Variants in CLCN4 observed in about 807,000 individuals in gnomAD.
The protein encoded by CLCN4 is H(+)/Cl(-) exchange transporter 4.
Under a neutral mutation model 41.7 loss-of-function variants are expected in CLCN4, and 1 was observed. The observed-to-expected ratio is 0.02, with a 90% CI of 0.01 to 0.11. The LOEUF (loss-of-function observed/expected upper bound fraction) is 0.11. Ranked by LOEUF, CLCN4 falls within the 10% of genes least tolerant of loss-of-function variation. The pLI is 1.00. For missense variants in CLCN4, 287 were observed against 661.0 expected, an observed-to-expected ratio of 0.43 and a Z score of 6.20; for synonymous variants, 277 against 285.8, an observed-to-expected ratio of 0.97 and a Z score of 0.31.
Position 10,212,642 on chromosome X carries a change from C to T in CLCN4, c.1565C>T (p.Ala522Val), listed in dbSNP as rs2147182765. ...TPGLYAMVGAAACLGGVTRMT... is the reference protein window; with the variant it reads ...TPGLYAMVGAVACLGGVTRMT... ...GGGCTGTACGCAATGGTGGGAGCTGCGGCCTGCCTCGGTACGACCATGGGT... is the reference window on the plus strand; with the variant it reads ...GGGCTGTACGCAATGGTGGGAGCTGTGGCCTGCCTCGGTACGACCATGGGT... The change falls in exon 10 of 13, where the codon GCG becomes GTG. Residue 522 changes from alanine (A) to valine (V), a missense_variant. Coordinates refer to ENST00000380833, the MANE Select transcript of CLCN4 (RefSeq NM_001830.4). 3 of 1,203,636 alleles carry T rather than the reference C, an allele frequency of 2.5e-6. No individual in the cohort carries two copies. The highest frequency in any genetic ancestry group is 1.8e-5 in the South Asian group (1 of 56,161).
In CLCN4 at chrX:10,212,513, C is replaced by T; in HGVS notation, c.1436C>T (p.Ala479Val). The T allele has an allele frequency of 8.3e-7, 1 of 1,211,727 alleles. No individual in the cohort carries two copies. Among genetic ancestry groups the T allele is most frequent in the Non-Finnish European group, 1.1e-6 (1 of 895,386 alleles). ...FIPSMAVGAI[A>V]GRMVGIGVEQ... ...CCCAGCATGGCTGTGGGCGCGATAG[C>T]GGGCAGGATGGTGGGAATTGGCGTG... The change falls in exon 10 of 13, where the codon GCG becomes GTG. Residue 479 changes from alanine to valine, a missense_variant. Ala to Val is a moderately conservative substitution (Grantham distance 64). This residue lies in a region of CLCN4 where 94 missense variants were observed against 177.9 expected (regional missense o/e 0.53). Coordinates refer to ENST00000380833, the MANE Select transcript of CLCN4 (RefSeq NM_001830.4).
At chrX:10,179,398 C>T (rs1477554970) in intron 2 of CLCN4, among the ~76,000 whole-genome samples, 1 of 111,598 alleles carries the variant, frequency 9.0e-6, no homozygotes, top group Non-Finnish European at 1.9e-5. Flanking sequence ...GGTTAGTGGT[C>T]TTGCCACTTT....
At chrX:10,159,763 G>A (rs1923045794) in intron 2 of CLCN4, among the ~76,000 whole-genome samples, 1 of 111,264 alleles carries the variant, frequency 9.0e-6, no homozygotes. Flanking sequence ...GTTCAGTTTG[G>A]TTACACAAAT....
intron 5 of CLCN4, among the ~76,000 whole-genome samples, chrX:10,195,826 A>AT (rs1420075447): frequency 1.8e-5 from 2 of 112,293 alleles, no homozygotes; most frequent in South Asian, 3.6e-4. Flanking sequence ...CCATTACTTC[A>AT]TTTTTTTATG....
intron 11 of CLCN4, among the ~76,000 whole-genome samples, chrX:10,215,825 C>A (rs1010428767): frequency 8.9e-6 from 1 of 111,881 alleles, no homozygotes; most frequent in Non-Finnish European, 1.9e-5. Flanking sequence ...GTACTCTTCT[C>A]GAAGCTATGT....
chrX:10,186,027 C>T (rs765854039), intron 3 of CLCN4, among the ~76,000 whole-genome samples: 157 of 110,876 alleles, frequency 1.4e-3, no homozygotes, highest in African/African-American at 5.0e-3. Flanking sequence ...GCGCCACGGA[C>T]GGGATTCAGG....
chrX:10,205,826 C>A (rs1401850900), intron 6 of CLCN4, among the ~76,000 whole-genome samples: 1 of 108,605 alleles, frequency 9.2e-6, no homozygotes, highest in Non-Finnish European at 1.9e-5. Flanking sequence ...TCTATGTTGC[C>A]CAGGCTGGTT....
chrX:10,158,687 C>T (rs1923018428), intron 2 of CLCN4, 136 bp downstream of exon 2: 1 of 237,335 alleles, frequency 4.2e-6, no homozygotes. Context: ...GCTGCTGCGG[C>T]GCCTGCTGCC....
At chrX:10,207,069 G>A (rs1176264784) in intron 8 of CLCN4, among the ~76,000 whole-genome samples, 2 of 110,447 alleles carry the variant, frequency 1.8e-5, no homozygotes, top group Non-Finnish European at 1.9e-5. Flanking sequence ...ATAGGTGCAC[G>A]CCACCACGCC....
At chrX:10,171,575 T>C (rs969504724) in intron 2 of CLCN4, among the ~76,000 whole-genome samples, 2 of 111,586 alleles carry the variant, frequency 1.8e-5, no homozygotes, top group African/African-American at 6.5e-5. Context: ...TTGGAAACTC[T>C]AGGAAATGGT....
chrX:10,206,831 G>C, intron 8 of CLCN4, 55 bp downstream of exon 8: 1 of 860,361 alleles, frequency 1.2e-6, no homozygotes, highest in Non-Finnish European at 1.6e-6. Context: ...GCCCGTTGAG[G>C]GTTAGAATCA....
At position 10,220,665 on chromosome X, in the gene CLCN4, C is replaced by T. The variant is rs139482850; in HGVS notation, c.1980C>T (p.Asn660=). The T allele has an allele frequency of 1.4e-4, 166 of 1,207,148 alleles. No individual in the cohort carries two copies. The South Asian group carries it at 2.0e-3, about 14-fold the overall frequency. The change falls in exon 12 of 13, where the codon AAC becomes AAT. Residue 660 remains asparagine, a synonymous_variant. Coordinates refer to ENST00000380833, the MANE Select transcript of CLCN4 (RefSeq NM_001830.4). ...QRRELILAIK[N]ARQRQEGIVS... The stretch of plus-strand genomic sequence containing the variant: ...TTCCTGCTCACCCCATTCTAGAGAA[C>T]GCCAGACAGAGGCAGGAGGGCATTG...
chrX:10,199,969 A>C (rs1388890792), intron 6 of CLCN4, among the ~76,000 whole-genome samples: 1 of 111,322 alleles, frequency 9.0e-6, no homozygotes, highest in Non-Finnish European at 1.9e-5. Flanking sequence ...GGGTTTCACC[A>C]TGTTGGCCTA....
At chrX:10,202,751 T>A (rs1420546699) in intron 6 of CLCN4, among the ~76,000 whole-genome samples, 3 of 110,348 alleles carry the variant, frequency 2.7e-5, no homozygotes, top group African/African-American at 9.9e-5. Flanking sequence ...TGCTTCCTTT[T>A]GTCAGTAGAA....
intron 4 of CLCN4, among the ~76,000 whole-genome samples, chrX:10,189,776 T>G (rs1456826711): frequency 8.9e-6 from 1 of 112,000 alleles, no homozygotes; most frequent in Non-Finnish European, 1.9e-5. Flanking sequence ...CGCATGTGCT[T>G]ATCAGAAGTC....
intron 12 of CLCN4, among the ~76,000 whole-genome samples, chrX:10,222,351 T>C (rs1198045196): frequency 8.9e-6 from 1 of 111,753 alleles, no homozygotes; most frequent in East Asian, 2.8e-4. Flanking sequence ...ATTTTATTCC[T>C]TTATGGGCTG....
intron 12 of CLCN4, among the ~76,000 whole-genome samples, chrX:10,228,856 G>T (rs1925053487): frequency 9.0e-6 from 1 of 111,124 alleles, no homozygotes; most frequent in African/African-American, 3.3e-5. Flanking sequence ...TTTTTAATCT[G>T]GATGGTGGTT....
rs750939650 is a variant in CLCN4, at chrX:10,213,947, G to C, written c.1843G>C (p.Asp615His). 8.2e-7 allele frequency: 1 copy of C among 1,212,223 alleles called. No homozygotes were observed. Among genetic ancestry groups the C allele is most frequent in the South Asian group, 1.8e-5 (1 of 57,023 alleles). The stretch of plus-strand genomic sequence containing the variant: ...GCCGCCACTGTCGGTGCTCACCCAG[G>C]ACAGCATGACTGTCGAGGACGTGGA... ...GEPPLSVLTQDSMTVEDVETL... is the reference protein window; with the variant it reads ...GEPPLSVLTQHSMTVEDVETL... The change falls in exon 11 of 13, where the codon GAC (aspartate) becomes CAC (histidine). Residue 615 changes from aspartate (D) to histidine (H), a missense_variant. Asp to His is a moderately conservative substitution (Grantham distance 81). This residue lies in a region of CLCN4 where 71 missense variants were observed against 104.5 expected (regional missense o/e 0.68). Transcript: ENST00000380833.
At position 10,235,974 on chromosome X, in the gene CLCN4, C is replaced by T. The variant is rs1925240226; in HGVS notation, c.*2390C>T. 8.9e-6 allele frequency: 1 copy of T among 112,575 alleles called. No homozygotes were observed. The highest frequency in any genetic ancestry group is 3.2e-5 in the African/African-American group (1 of 30,968). The allele number at this position is 112,575 out of a possible 1,213,427, so 9.3% of individuals were successfully genotyped here. ...ACAAGTGAAGTTGGATTCTCCTGGG[C>T]TTTAAATCCAAAAAGTCTTAATGAC... On this transcript the variant is annotated 3_prime_UTR_variant, in exon 13 of 13. Coordinates refer to ENST00000380833, the MANE Select transcript of CLCN4 (RefSeq NM_001830.4).
Sources: allele counts gnomAD v4.1 joint callset (sites outside exome capture counted in the v4.1 genomes callset), GRCh38; gene constraint gnomAD v4.1.1; regional missense constraint gnomAD v4.1.1; transcripts MANE v1.5; gene names NCBI Gene and HGNC (gene_info 2026-07-23, HGNC 2026-07-21).